KLF8: variants seen among roughly 807,000 people sequenced by gnomAD.
KLF8 encodes Krueppel-like factor 8.
Under a neutral mutation model 18.2 loss-of-function variants are expected in KLF8, and 10 were observed. That is an observed-to-expected ratio of 0.55 (90% CI 0.34 to 0.93). KLF8 has a LOEUF of 0.93. Ranked by LOEUF, KLF8 falls within the 40% of genes least tolerant of loss-of-function variation. The probability of loss-of-function intolerance (pLI) is 0.02; values close to 1 mark genes in which losing one functional copy is unlikely to be tolerated. For missense variants in KLF8, 264 were observed against 277.9 expected (o/e 0.95, Z 0.36); for synonymous variants, 109 against 97.3 (o/e 1.12, Z -0.71).
At chrX:56,024,673 G>A in the KLF8 span, among the ~76,000 whole-genome samples, 1 of 111,916 alleles carries the variant, frequency 8.9e-6, no homozygotes. Flanking sequence ...GACAGGGGCT[G>A]CATGCACCGG....
chrX:56,142,311 T>C, the KLF8 span, among the ~76,000 whole-genome samples: 1 of 111,206 alleles, frequency 9.0e-6, no homozygotes, highest in Non-Finnish European at 1.9e-5. Flanking sequence ...CAAAAGATAG[T>C]TTTAGTCATT....
chrX:56,184,241 G>T, the KLF8 span, among the ~76,000 whole-genome samples: 1 of 112,365 alleles, frequency 8.9e-6, no homozygotes, highest in Non-Finnish European at 1.9e-5. Context: ...GGCTCAGAGA[G>T]TCCTATGCCC....
At chrX:56,002,978 G>A in the KLF8 span, among the ~76,000 whole-genome samples, 1 of 112,364 alleles carries the variant, frequency 8.9e-6, no homozygotes, top group Non-Finnish European at 1.9e-5. Context: ...AGGAGAAGTT[G>A]AAAAGGTAGG....
the KLF8 span, among the ~76,000 whole-genome samples, chrX:56,086,206 T>C: frequency 8.9e-6 from 1 of 112,050 alleles, no homozygotes; most frequent in Non-Finnish European, 1.9e-5. Flanking sequence ...GAAGCAGAAA[T>C]AATTCTATGA....
chrX:55,988,329 T>C, the KLF8 span, among the ~76,000 whole-genome samples: 1 of 111,393 alleles, frequency 9.0e-6, no homozygotes, highest in Non-Finnish European at 1.9e-5. Flanking sequence ...GTTTTTATGG[T>C]TTTAGGTCTA....
chrX:56,131,579 A>T, the KLF8 span, among the ~76,000 whole-genome samples: 32 of 109,967 alleles, frequency 2.9e-4, no homozygotes, highest in African/African-American at 8.6e-4. Flanking sequence ...AAATACAATT[A>T]AAAAAAAAGG....
At chrX:56,020,283 A>G in the KLF8 span, among the ~76,000 whole-genome samples, 4 of 111,823 alleles carry the variant, frequency 3.6e-5, no homozygotes, top group African/African-American at 1.3e-4. Context: ...GTGAAGGGCA[A>G]TATAAGGCAT....
At position 56,253,764 on chromosome X, in the gene KLF8, C is replaced by CTTTTTTTTTTTT. The variant is rs60291877; in HGVS notation, c.81+3463_81+3474dup. ...GTACATAATGTCTTTTTTTCTTTTT[C>CTTTTTTTTTTTT]TTTTTTTTTTTTTTGAGATGTTGTC... On this transcript the variant is annotated intron_variant, in intron 2 of 5. Transcript: ENST00000468660. Among the ~76,000 whole-genome samples the CTTTTTTTTTTTT allele has an allele frequency of 2.0e-4, 12 of 60,115 alleles. 1 individual carries two copies. The highest frequency in any genetic ancestry group is 2.4e-4 in the Non-Finnish European group (8 of 33,504). The allele number at this position is 60,115 out of a possible 115,157, so 52.2% of individuals were successfully genotyped here.
chrX:56,187,274 A>C, the KLF8 span, among the ~76,000 whole-genome samples: 2 of 112,199 alleles, frequency 1.8e-5, no homozygotes, highest in African/African-American at 6.5e-5. Flanking sequence ...AAAATCTAGA[A>C]GAAATGGATA....
chrX:56,101,388 G>A, the KLF8 span, among the ~76,000 whole-genome samples: 19 of 111,827 alleles, frequency 1.7e-4, no homozygotes, highest in Non-Finnish European at 9.4e-5. Context: ...CATCTAGATT[G>A]ACTCCATGTC....
chrX:56,185,136 G>A, the KLF8 span, among the ~76,000 whole-genome samples: 1 of 112,224 alleles, frequency 8.9e-6, no homozygotes, highest in Admixed American at 9.5e-5. Context: ...AAAAAATTTA[G>A]ACGAATGTAT....
At chrX:55,956,415 C>T in the KLF8 span, among the ~76,000 whole-genome samples, 3 of 110,510 alleles carry the variant, frequency 2.7e-5, no homozygotes, top group African/African-American at 9.9e-5. Flanking sequence ...GTATATACAC[C>T]CAAAAGTGAG....
intron 5 of KLF8, among the ~76,000 whole-genome samples, chrX:56,279,085 C>T (rs1039323133): frequency 4.6e-4 from 51 of 111,936 alleles, no homozygotes; most frequent in African/African-American, 1.5e-3. Flanking sequence ...TATCCTCTTT[C>T]AGTGCTTCTT....
chrX:55,997,420 G>A, the KLF8 span, among the ~76,000 whole-genome samples: 53 of 111,833 alleles, frequency 4.7e-4, no homozygotes, highest in Non-Finnish European at 8.3e-4. Flanking sequence ...GGATCATGAA[G>A]TCTCCTGCAG....
chrX:56,102,166 T>G, the KLF8 span, among the ~76,000 whole-genome samples: 7 of 111,898 alleles, frequency 6.3e-5, no homozygotes, highest in African/African-American at 2.3e-4. Flanking sequence ...ATCTTCTGCA[T>G]ATGGCTGGCC....
the KLF8 span, among the ~76,000 whole-genome samples, chrX:55,946,850 A>G: frequency 8.9e-6 from 1 of 111,881 alleles, no homozygotes; most frequent in African/African-American, 3.3e-5. Context: ...ACTTCTGAAA[A>G]GAAGACATTT....
At chrX:56,069,668 C>G in the KLF8 span, among the ~76,000 whole-genome samples, 3 of 111,460 alleles carry the variant, frequency 2.7e-5, no homozygotes, top group Admixed American at 2.8e-4. Flanking sequence ...GATGCCAGAG[C>G]AGTCAACTCC....
the KLF8 span, among the ~76,000 whole-genome samples, chrX:56,153,665 G>A: frequency 9.9e-5 from 11 of 111,216 alleles, no homozygotes; most frequent in African/African-American, 3.6e-4. Flanking sequence ...TGACATGATT[G>A]TATATCTAGA....
chrX:56,238,862 C>T (rs2066511465), intron 1 of KLF8, among the ~76,000 whole-genome samples: 1 of 112,170 alleles, frequency 8.9e-6, no homozygotes, highest in South Asian at 3.8e-4. Flanking sequence ...TGGGTGTCTA[C>T]AAAGTTGGAA....
Sources: allele counts gnomAD v4.1 joint callset (sites outside exome capture counted in the v4.1 genomes callset), GRCh38; gene constraint gnomAD v4.1.1; transcripts MANE v1.5; gene names NCBI Gene and HGNC (gene_info 2026-07-23, HGNC 2026-07-21).